The following FGF13 variants were observed in gnomAD, a reference collection of about 807,000 sequenced individuals.
FGF13 encodes fibroblast growth factor 13.
In FGF13, 2 loss-of-function variants were observed where a neutral mutation model predicts 19.5. That is an observed-to-expected ratio of 0.10 (90% confidence interval 0.04 to 0.32). FGF13 has a LOEUF of 0.32. Ranked by LOEUF, FGF13 falls within the 10% of genes least tolerant of loss-of-function variation. The pLI is 1.00. For missense variants in FGF13, 113 were observed against 192.7 expected (o/e 0.59, Z 2.45); for synonymous variants, 72 against 76.9 (o/e 0.94, Z 0.33).
intron 3 of FGF13, among the ~76,000 whole-genome samples, chrX:138,698,334 T>TATAGAAGTA (rs1178402692): frequency 1.8e-5 from 2 of 110,041 alleles, no homozygotes; most frequent in Admixed American, 1.9e-4. Context: ...AATTGAGGGA[T>TATAGAAGTA]ATAGAAGTAG....
intron 1 of FGF13, among the ~76,000 whole-genome samples, chrX:138,975,749 G>A (rs1035858529): frequency 2.7e-5 from 3 of 111,471 alleles, no homozygotes; most frequent in Non-Finnish European, 5.7e-5. Flanking sequence ...CACTGGGGCT[G>A]CAGGGGAACA....
rs759172215 is a variant in FGF13 at position 138,922,016 on chromosome X, G to A, written c.-112-57366C>T. On this transcript the variant is annotated intron_variant, in intron 1 of 2. Transcript: ENST00000421460. The stretch of plus-strand genomic sequence containing the variant: ...ACAAAACAACAACAACAAAAAAAAC[G>A]ACCTCTCTATCATTGTTTTTCATCT... Among the ~76,000 whole-genome samples the A allele has an allele frequency of 3.5e-4, 32 of 91,785 alleles. No homozygotes were observed. In the Admixed American group the frequency reaches 3.6e-3, roughly 10 times the overall value. 79.7% of individuals were successfully genotyped at this position (91,785 alleles called of 115,157 possible).
chrX:139,076,362 T>C (rs2083332572), intron 1 of FGF13, among the ~76,000 whole-genome samples: 1 of 111,986 alleles, frequency 8.9e-6, no homozygotes, highest in Non-Finnish European at 1.9e-5. Context: ...TACACTGGTA[T>C]GGAAGTGCAA....
At chrX:138,975,915 T>A in intron 1 of FGF13, among the ~76,000 whole-genome samples, 1 of 111,988 alleles carries the variant, frequency 8.9e-6, no homozygotes, top group Non-Finnish European at 1.9e-5. Context: ...GGTGGCAGTT[T>A]GGCCTATATA....
intron 3 of FGF13, among the ~76,000 whole-genome samples, chrX:138,771,696 A>G (rs2090546276): frequency 9.1e-6 from 1 of 110,311 alleles, no homozygotes; most frequent in African/African-American, 3.3e-5. Flanking sequence ...TAGAGTATAC[A>G]AGGAAAAGAA....
At chrX:138,697,806 G>A (rs968453925) in intron 3 of FGF13, among the ~76,000 whole-genome samples, 3 of 111,003 alleles carry the variant, frequency 2.7e-5, no homozygotes, top group Non-Finnish European at 5.7e-5. Flanking sequence ...GACATAGAAC[G>A]GGAATTTTTT....
In FGF13 at chrX:138,768,712, T is replaced by TCATACATAC. The variant is rs1459530092; in HGVS notation, c.218-59785_218-59784insGTATGTATG. On this transcript the variant is annotated intron_variant, in intron 3 of 6. Transcript: ENST00000436198. ...TATATAAGTATATATTATATATATA[T>TCATACATAC]ATATAAGTATATATTATATATATAT... Among the ~76,000 whole-genome samples the TCATACATAC allele has an allele frequency of 1.2e-3, 119 of 100,219 alleles. 1 individual carries two copies. The highest frequency in any genetic ancestry group is 4.5e-3 in the African/African-American group (116 of 26,049). 87.0% of individuals were successfully genotyped at this position (100,219 alleles called of 115,157 possible).
intron 3 of FGF13, among the ~76,000 whole-genome samples, chrX:138,746,053 A>G (rs1042395682): frequency 1.3e-4 from 15 of 112,025 alleles, no homozygotes; most frequent in African/African-American, 4.9e-4. Flanking sequence ...ACTAAACAGG[A>G]CACAGCTGAA....
intron 4 of FGF13, among the ~76,000 whole-genome samples, chrX:138,633,464 T>G (rs2089144615): frequency 8.9e-6 from 1 of 111,834 alleles, no homozygotes; most frequent in African/African-American, 3.2e-5. Context: ...TAATAAAAAA[T>G]GCATTTAATA....
At chrX:139,080,076 A>ACG (rs1275591680) in intron 1 of FGF13, among the ~76,000 whole-genome samples, 4 of 109,994 alleles carry the variant, frequency 3.6e-5, no homozygotes, top group African/African-American at 1.3e-4. Context: ...ACACACACAC[A>ACG]CGCACACACA....
chrX:139,054,386 G>A (rs1221965444), intron 1 of FGF13, among the ~76,000 whole-genome samples: 1 of 110,795 alleles, frequency 9.0e-6, no homozygotes, highest in Non-Finnish European at 1.9e-5. Context: ...GCCTCCCAAA[G>A]TGCTGGGATT....
intron 1 of FGF13, among the ~76,000 whole-genome samples, chrX:138,885,700 A>ACC (rs11428720): frequency 4.1e-5 from 4 of 98,599 alleles, no homozygotes; most frequent in African/African-American, 1.5e-4. Context: ...GGCTTCTCTA[A>ACC]CCCCCCCCGC....
intron 1 of FGF13, among the ~76,000 whole-genome samples, chrX:138,883,885 T>G (rs1320665757): frequency 8.9e-6 from 1 of 111,893 alleles, no homozygotes; most frequent in East Asian, 2.8e-4. Flanking sequence ...AAAGAAGAAG[T>G]AAAATGATCA....
intron 1 of FGF13, among the ~76,000 whole-genome samples, chrX:138,999,989 G>C (rs1021816500): frequency 8.9e-6 from 1 of 111,751 alleles, no homozygotes; most frequent in African/African-American, 3.3e-5. Context: ...TATCCACCAC[G>C]ATCAAGTAGG....
chrX:138,886,238 C>T (rs1306252190), intron 1 of FGF13, among the ~76,000 whole-genome samples: 1 of 111,747 alleles, frequency 8.9e-6, no homozygotes, highest in Non-Finnish European at 1.9e-5. Flanking sequence ...AGCCCCTACC[C>T]CCACCCCAAT....
At chrX:138,875,092 T>A (rs1602985798) in intron 1 of FGF13, among the ~76,000 whole-genome samples, 1 of 108,947 alleles carries the variant, frequency 9.2e-6, no homozygotes, top group Non-Finnish European at 1.9e-5. Context: ...ATTAGCTGGG[T>A]ATGGTGGCAC....
chrX:138,651,604 T>C (rs750513260), intron 3 of FGF13, among the ~76,000 whole-genome samples: 1 of 111,780 alleles, frequency 8.9e-6, no homozygotes, highest in Non-Finnish European at 1.9e-5. Flanking sequence ...CTTGCCTTGG[T>C]TTATGAAGAT....
At chrX:139,086,903 G>A (rs1395498629) in intron 1 of FGF13, among the ~76,000 whole-genome samples, 1 of 112,600 alleles carries the variant, frequency 8.9e-6, no homozygotes, top group African/African-American at 3.2e-5. Flanking sequence ...CTTTGCTGGG[G>A]AGAGATGTAT....
chrX:138,909,923 A>G (rs897522985), intron 1 of FGF13, among the ~76,000 whole-genome samples: 2 of 111,206 alleles, frequency 1.8e-5, no homozygotes, highest in African/African-American at 3.3e-5. Flanking sequence ...TGAGTCTGGG[A>G]AACACAGGAG....
Sources: gnomAD v4.1 joint callset for allele counts (sites outside exome capture counted in the v4.1 genomes callset) on GRCh38, gnomAD v4.1.1 for gene constraint, MANE v1.5 for transcripts, NCBI Gene and HGNC (gene_info 2026-07-23, HGNC 2026-07-21) for gene names.